Variants in MAGI2 observed in about 807,000 individuals in gnomAD.
The protein encoded by MAGI2 is membrane associated guanylate kinase, WW and PDZ domain containing 2.
In MAGI2, 35 loss-of-function variants were observed where a neutral mutation model predicts 133.3. The ratio of observed to expected loss-of-function variants is 0.26; its 90% CI spans 0.20 to 0.35. The LOEUF is 0.35. Ranked by LOEUF, MAGI2 falls within the 10% of genes least tolerant of loss-of-function variation. MAGI2 has a pLI of 1.00. For missense variants in MAGI2, 1,636 were observed against 1,863.4 expected (o/e 0.88, Z 2.25); for synonymous variants, 729 against 710.6 (o/e 1.03, Z -0.41).
chr7:78,372,059 A>AATT (rs1370466386), intron 6 of MAGI2, among the ~76,000 whole-genome samples: 3 of 45,174 alleles, frequency 6.6e-5, no homozygotes, highest in African/African-American at 2.9e-4. Context: ...AATGTTTAAA[A>AATT]AGTTGTATGT....
At chr7:79,078,168 C>T (rs1178207939) in intron 1 of MAGI2, among the ~76,000 whole-genome samples, 1 of 152,126 alleles carries the variant, frequency 6.6e-6, no homozygotes, top group African/African-American at 2.4e-5. Context: ...AAGCAATCAG[C>T]CTTTCATGTG....
chr7:78,734,170 T>C (rs1382222679), intron 2 of MAGI2, among the ~76,000 whole-genome samples: 1 of 152,144 alleles, frequency 6.6e-6, no homozygotes, highest in African/African-American at 2.4e-5. Flanking sequence ...GATTATGATT[T>C]TTCTCTATTT....
At chr7:78,558,107 A>G (rs545034180) in intron 3 of MAGI2, among the ~76,000 whole-genome samples, 11 of 152,332 alleles carry the variant, frequency 7.2e-5, no homozygotes, top group South Asian at 4.1e-4. Flanking sequence ...TCCTTAATAT[A>G]TATCAATTGA....
chr7:79,190,772 T>C (rs1212361111), intron 1 of MAGI2, among the ~76,000 whole-genome samples: 1 of 151,872 alleles, frequency 6.6e-6, no homozygotes, highest in African/African-American at 2.4e-5. Flanking sequence ...TGGGATTCTA[T>C]ACACATTAAC....
intron 20 of MAGI2, among the ~76,000 whole-genome samples, chr7:78,083,297 T>C (rs3807749): frequency 0.2 from 29,572 of 147,042 alleles, 3,041 homozygotes; most frequent in South Asian, 0.23. Context: ...CACTCATTCT[T>C]AGAGTATTTT....
intron 1 of MAGI2, among the ~76,000 whole-genome samples, chr7:79,375,090 C>T (rs1843295960): frequency 6.6e-6 from 1 of 151,980 alleles, no homozygotes; most frequent in Non-Finnish European, 1.5e-5. Context: ...AATGTTCTCA[C>T]TTCTTATAAG....
At chr7:78,643,437 A>G (rs1469329367) in intron 2 of MAGI2, among the ~76,000 whole-genome samples, 1 of 152,200 alleles carries the variant, frequency 6.6e-6, no homozygotes, top group Admixed American at 6.5e-5. Context: ...TTGCCAGGTC[A>G]TGTGCCCCCT....
chr7:78,019,715 GCCCTCTGCGGACTCGCCGAGCGCT>G lies in MAGI2; in HGVS notation c.3944_3967del (p.Glu1315_Arg1322del). 6.3e-7 allele frequency: 1 copy of G among 1,597,922 alleles called. No homozygotes were observed. Among genetic ancestry groups the G allele is most frequent in the Non-Finnish European group, 8.5e-7 (1 of 1,176,188 alleles). On this transcript the variant is annotated inframe_deletion, in exon 22 of 22. Coordinates refer to ENST00000354212, the MANE Select transcript of MAGI2 (RefSeq NM_012301.4). ...CGCCTCCTCGAGCCTCGGCCGCGCG[GCCCTCTGCGGACTCGCCGAGCGCT>G]CCCTCTGCTCCCCGAGGCGCTGCTT...
At chr7:78,508,359 G>A (rs1211217183) in intron 4 of MAGI2, among the ~76,000 whole-genome samples, 2 of 152,056 alleles carry the variant, frequency 1.3e-5, no homozygotes, top group African/African-American at 4.8e-5. Context: ...ACATCTCAAG[G>A]ACTGCAAATT....
At chr7:78,251,925 G>A (rs1792423495) in intron 10 of MAGI2, 1 of 152,130 alleles carries the variant, frequency 6.6e-6, no homozygotes, top group African/African-American at 2.4e-5. Context: ...AGGATTGCGT[G>A]AGCCCAGGAG....
chr7:79,113,807 C>T (rs111628963), intron 1 of MAGI2, among the ~76,000 whole-genome samples: 1,913 of 94,878 alleles, frequency 0.02, 39 homozygotes, highest in African/African-American at 0.053. Flanking sequence ...CTATTACACA[C>T]GCTTACACAC....
chr7:78,822,846 A>G (rs1015759803), intron 2 of MAGI2, among the ~76,000 whole-genome samples: 5 of 152,234 alleles, frequency 3.3e-5, no homozygotes, highest in Admixed American at 3.3e-4. Flanking sequence ...TGAGTATACA[A>G]TGCAAGCCAC....
At chr7:79,027,558 C>T (rs1363309236) in intron 1 of MAGI2, among the ~76,000 whole-genome samples, 2 of 151,790 alleles carry the variant, frequency 1.3e-5, no homozygotes, top group African/African-American at 4.8e-5. Context: ...AGATGATGGT[C>T]AAAGGGTACA....
chr7:79,196,448 T>C (rs1286055309), intron 1 of MAGI2, among the ~76,000 whole-genome samples: 1 of 152,028 alleles, frequency 6.6e-6, no homozygotes, highest in African/African-American at 2.4e-5. Flanking sequence ...CATTCTACTC[T>C]AATCTTGCTA....
At chr7:78,814,164 C>T (rs564876872) in intron 2 of MAGI2, among the ~76,000 whole-genome samples, 8 of 152,154 alleles carry the variant, frequency 5.3e-5, no homozygotes, top group South Asian at 4.1e-4. Flanking sequence ...TCATAGGATA[C>T]GAGGCTGTGG....
chr7:79,042,727 T>C (rs1039314983), intron 1 of MAGI2, among the ~76,000 whole-genome samples: 3 of 152,098 alleles, frequency 2.0e-5, no homozygotes, highest in Non-Finnish European at 4.4e-5. Context: ...ATTTGATACT[T>C]GGCCAAACAG....
At chr7:78,144,102 A>G (rs1425477425) in intron 16 of MAGI2, among the ~76,000 whole-genome samples, 1 of 152,070 alleles carries the variant, frequency 6.6e-6, no homozygotes, top group Non-Finnish European at 1.5e-5. Flanking sequence ...CTTTCCTCAA[A>G]GAGCTCTATG....
chr7:78,862,417 A>G (rs1794222322), intron 2 of MAGI2, among the ~76,000 whole-genome samples: 1 of 152,196 alleles, frequency 6.6e-6, no homozygotes, highest in Non-Finnish European at 1.5e-5. Flanking sequence ...TGCTTGTCCA[A>G]GATATTTTTG....
intron 1 of MAGI2, among the ~76,000 whole-genome samples, chr7:79,341,801 A>T (rs770876136): frequency 1.2e-4 from 18 of 152,192 alleles, no homozygotes; most frequent in Admixed American, 1.3e-4. Flanking sequence ...AATTTCCAAC[A>T]GGTTGAACTG....
Sources: gnomAD v4.1 joint callset for allele counts (sites outside exome capture counted in the v4.1 genomes callset) on GRCh38, gnomAD v4.1.1 for gene constraint, MANE v1.5 for transcripts, NCBI Gene and HGNC (gene_info 2026-07-23, HGNC 2026-07-21) for gene names.